KLF12: variants seen among roughly 807,000 people sequenced by gnomAD.
KLF12 encodes Krueppel-like factor 12.
In KLF12, 9 loss-of-function variants were observed where a neutral mutation model predicts 37.8. The ratio of observed to expected loss-of-function variants is 0.24; its 90% CI spans 0.14 to 0.42. KLF12 has a LOEUF of 0.42. KLF12 is among the 10% of genes least tolerant of loss of function. The probability of loss-of-function intolerance (pLI) is 1.00; values close to 1 mark genes in which losing one functional copy is unlikely to be tolerated. For missense variants in KLF12, 411 were observed against 516.0 expected (o/e 0.80, Z 1.97); for synonymous variants, 208 against 202.1 (o/e 1.03, Z -0.25).
chr13:73,941,126 T>TGA (rs1307319980), intron 3 of KLF12, among the ~76,000 whole-genome samples: 1 of 152,130 alleles, frequency 6.6e-6, no homozygotes, highest in Non-Finnish European at 1.5e-5. Context: ...CAAAACTAGG[T>TGA]TTTTCAGAGT....
chr13:73,832,527 G>A (rs1262749220), intron 4 of KLF12, among the ~76,000 whole-genome samples: 5 of 152,238 alleles, frequency 3.3e-5, no homozygotes, highest in South Asian at 2.1e-4. Context: ...AGACAAAAAA[G>A]CAATCAAGAA....
At chr13:74,025,519 C>T (rs562235649) in intron 1 of KLF12, among the ~76,000 whole-genome samples, 13 of 149,436 alleles carry the variant, frequency 8.7e-5, no homozygotes, top group African/African-American at 1.5e-4. Context: ...GGGTTGTGAA[C>T]ATTAGTGAGT....
intron 3 of KLF12, among the ~76,000 whole-genome samples, chr13:73,867,997 G>C (rs1886265610): frequency 1.3e-5 from 2 of 150,432 alleles, no homozygotes; most frequent in African/African-American, 2.5e-5. Context: ...CTCCAGCCTG[G>C]GCAACAAACA....
chr13:74,120,454 T>A lies in KLF12; in HGVS notation c.-32+13285A>T, dbSNP rs557888111. Among the ~76,000 whole-genome samples, 144 of 152,228 alleles carry A rather than the reference T, an allele frequency of 9.5e-4. 1 individual carries two copies. The highest frequency in any genetic ancestry group is 3.3e-3 in the African/African-American group (139 of 41,528). ...GAGGCTGCGTCACTGCACTCCAGCC[T>A]GGGTGGCAGAGCGAGACTGTCTCAA... is the stretch of plus-strand genomic sequence containing the variant. On this transcript the variant is annotated intron_variant, in intron 1 of 7. Transcript: ENST00000377669.
chr13:74,233,831 G>T, the KLF12 span, among the ~76,000 whole-genome samples: 2 of 152,036 alleles, frequency 1.3e-5, no homozygotes, highest in South Asian at 4.2e-4. Flanking sequence ...GTAATATTGC[G>T]GGATACAAGC....
At chr13:74,096,085 T>C (rs1431742302) in intron 1 of KLF12, among the ~76,000 whole-genome samples, 4 of 152,224 alleles carry the variant, frequency 2.6e-5, no homozygotes, top group Non-Finnish European at 5.9e-5. Flanking sequence ...TTGTTCTCCA[T>C]CACATTATTT....
chr13:74,213,051 A>G, the KLF12 span, among the ~76,000 whole-genome samples: 1 of 152,294 alleles, frequency 6.6e-6, no homozygotes, highest in East Asian at 1.9e-4. Context: ...AAATTCTGCA[A>G]CAGTAGAAAA....
At chr13:73,958,534 T>C (rs1006167697) in intron 2 of KLF12, among the ~76,000 whole-genome samples, 5 of 152,206 alleles carry the variant, frequency 3.3e-5, no homozygotes, top group Non-Finnish European at 7.3e-5. Context: ...TGAGCCACTG[T>C]GCCCAGCCAA....
chr13:74,127,803 T>C (rs1420851492), intron 1 of KLF12, among the ~76,000 whole-genome samples: 2 of 152,224 alleles, frequency 1.3e-5, no homozygotes, highest in South Asian at 2.1e-4. Flanking sequence ...ACATATAGCA[T>C]GTTGCAACAA....
At chr13:73,761,142 TAA>T (rs1007201174) in intron 6 of KLF12, among the ~76,000 whole-genome samples, 7 of 151,784 alleles carry the variant, frequency 4.6e-5, no homozygotes, top group Non-Finnish European at 1.0e-4. Flanking sequence ...CTGCCAAGAA[TAA>T]AAGTCTATCT....
chr13:73,924,258 C>G (rs1889268326), intron 3 of KLF12, among the ~76,000 whole-genome samples: 1 of 152,190 alleles, frequency 6.6e-6, no homozygotes, highest in Non-Finnish European at 1.5e-5. Flanking sequence ...CTTTATTGTG[C>G]TTCACATATA....
chr13:73,695,901 T>C (rs1211040602), intron 7 of KLF12, among the ~76,000 whole-genome samples: 1 of 152,208 alleles, frequency 6.6e-6, no homozygotes, highest in African/African-American at 2.4e-5. Context: ...GTGTCCTCCA[T>C]TATGACTTTG....
chr13:73,960,335 T>C (rs1359564032), intron 2 of KLF12: 1 of 276,236 alleles, frequency 3.6e-6, no homozygotes, highest in Admixed American at 3.4e-5. Context: ...ACACTCAAAA[T>C]TGGAGCTGAT....
intron 3 of KLF12, among the ~76,000 whole-genome samples, chr13:73,937,852 T>C (rs1890017385): frequency 6.6e-6 from 1 of 152,212 alleles, no homozygotes; most frequent in African/African-American, 2.4e-5. Flanking sequence ...GCATCTTTAG[T>C]GGAGGATACC....
chr13:73,948,407 C>T (rs1890522833), intron 2 of KLF12, among the ~76,000 whole-genome samples: 1 of 151,078 alleles, frequency 6.6e-6, no homozygotes, highest in African/African-American at 2.5e-5. Context: ...TTTGTAGAGA[C>T]GGGGTTTCAC....
chr13:73,789,965 C>G (rs1291208355), intron 5 of KLF12, among the ~76,000 whole-genome samples: 1 of 152,126 alleles, frequency 6.6e-6, no homozygotes, highest in African/African-American at 2.4e-5. Context: ...TGTGAGCCAC[C>G]GTGCCTGGCC....
intron 1 of KLF12, among the ~76,000 whole-genome samples, chr13:74,002,116 T>A (rs1892296127): frequency 6.6e-6 from 1 of 152,248 alleles, no homozygotes; most frequent in Non-Finnish European, 1.5e-5. Context: ...AGTGCCTTAC[T>A]GAACAATAGC....
chr13:73,961,475 A>G (rs1473006256), intron 2 of KLF12, among the ~76,000 whole-genome samples: 1 of 152,134 alleles, frequency 6.6e-6, no homozygotes, highest in Non-Finnish European at 1.5e-5. Context: ...GAGAAACAGA[A>G]CTTACCAGGG....
rs1873595466 is a variant in KLF12, at chr13:73,688,002, T to C, written c.*7488A>G. The stretch of plus-strand genomic sequence containing the variant: ...AAGGGCCCCAGTCTGCAGCAGGTTG[T>C]GCACATGGAACACTTGCTTTGAGCA... On this transcript the variant is annotated 3_prime_UTR_variant, in exon 8 of 8. Transcript: ENST00000377669. 6.6e-6 allele frequency: 1 copy of C among 152,376 alleles called. No individual in the cohort carries two copies. The highest frequency in any genetic ancestry group is 1.5e-5 in the Non-Finnish European group (1 of 68,046). The allele number at this position is 152,376 out of a possible 1,614,324, so 9.4% of individuals were successfully genotyped here.
Sources: gnomAD v4.1 joint callset for allele counts (sites outside exome capture counted in the v4.1 genomes callset) on GRCh38, gnomAD v4.1.1 for gene constraint, MANE v1.5 for transcripts, NCBI Gene and HGNC (gene_info 2026-07-23, HGNC 2026-07-21) for gene names.